SEPTIN9: variants seen among roughly 807,000 people sequenced by gnomAD.
SEPTIN9 encodes septin-9.
SEPTIN9 carries 13 observed loss-of-function variants against 56.6 expected under a neutral mutation model. The observed-to-expected ratio is 0.23, with a 90% CI of 0.15 to 0.37. The LOEUF is 0.37. SEPTIN9 is among the 10% of genes least tolerant of loss of function. SEPTIN9 has a pLI of 1.00. For missense variants in SEPTIN9, 650 were observed against 823.1 expected (o/e 0.79, Z 2.57); for synonymous variants, 332 against 334.1 (o/e 0.99, Z 0.07).
Position 77,475,358 on chromosome 17 carries a change from G to C in SEPTIN9, c.722-6786G>C, listed in dbSNP as rs543094844. The C allele has an allele frequency of 2.8e-6, 4 of 1,435,618 alleles. No individual in the cohort carries two copies. The highest frequency in any genetic ancestry group is 3.6e-6 in the Non-Finnish European group (4 of 1,100,844). 88.9% of individuals were successfully genotyped at this position (1,435,618 alleles called of 1,614,324 possible). On this transcript the variant is annotated intron_variant, in intron 3 of 11. Coordinates refer to ENST00000427177, the MANE Select transcript of SEPTIN9 (RefSeq NM_001113491.2). The surrounding 1 kb of genome is among the most constrained non-coding windows in gnomAD (Gnocchi z 4.6). ...CCCAGGATTCAGCAGGGATCTGAAG[G>C]ACTTTGCAGGCACCCAGGGAGATAG... is the stretch of plus-strand genomic sequence containing the variant.
intron 2 of SEPTIN9, chr17:77,373,231 G>A (rs920714572): frequency 3.2e-5 from 36 of 1,119,718 alleles, no homozygotes; most frequent in South Asian, 4.3e-5. Context: ...CAGCCAGTGC[G>A]AGACAGGGAG....
intron 2 of SEPTIN9, among the ~76,000 whole-genome samples, chr17:77,366,732 G>C (rs2034581758): frequency 6.6e-6 from 1 of 152,140 alleles, no homozygotes; most frequent in Non-Finnish European, 1.5e-5. Flanking sequence ...GTCCCTGGTG[G>C]TATCATCAGA....
chr17:77,349,572 ATGT>A (rs1333603393), intron 2 of SEPTIN9, among the ~76,000 whole-genome samples: 2 of 152,174 alleles, frequency 1.3e-5, no homozygotes, highest in African/African-American at 4.8e-5. Context: ...TGTAGACCAC[ATGT>A]TGTTTTTCCC....
intron 3 of SEPTIN9, among the ~76,000 whole-genome samples, chr17:77,409,451 G>A (rs1490973509): frequency 2.0e-5 from 3 of 152,176 alleles, no homozygotes; most frequent in Admixed American, 6.5e-5. Flanking sequence ...GGGCTGGTCC[G>A]GGAATGCAGC....
At chr17:77,395,687 AGTGT>A (rs1465877654) in intron 2 of SEPTIN9, among the ~76,000 whole-genome samples, 1 of 152,048 alleles carries the variant, frequency 6.6e-6, no homozygotes, top group African/African-American at 2.4e-5. Flanking sequence ...CCCGGGTGTG[AGTGT>A]GTGTGTGCGT....
At chr17:77,416,117 T>G (rs186408825) in intron 3 of SEPTIN9, among the ~76,000 whole-genome samples, 5 of 152,338 alleles carry the variant, frequency 3.3e-5, no homozygotes, top group Admixed American at 6.5e-5. Flanking sequence ...CAGCGTGGAA[T>G]TTGATTTGTT....
At chr17:77,447,189 T>C (rs2037773202) in intron 3 of SEPTIN9, 1 of 167,086 alleles carries the variant, frequency 6.0e-6, no homozygotes, top group Admixed American at 6.5e-5. Flanking sequence ...ATTGGAAGGA[T>C]ATCCATGCGG....
chr17:77,322,033 G>A (rs1222279074), intron 2 of SEPTIN9, among the ~76,000 whole-genome samples: 1 of 152,224 alleles, frequency 6.6e-6, no homozygotes, highest in Non-Finnish European at 1.5e-5. Context: ...CCTGCCTCCT[G>A]GGCCACCAGC....
intron 4 of SEPTIN9, chr17:77,483,973 A>ACAGAC (rs778503576): frequency 2.0e-5 from 3 of 152,356 alleles, no homozygotes; most frequent in Non-Finnish European, 2.9e-5. Context: ...TTGGAGGTCC[A>ACAGAC]CAGACCCCGG....
At chr17:77,431,937 A>G (rs1019205954) in intron 3 of SEPTIN9, among the ~76,000 whole-genome samples, 2 of 152,164 alleles carry the variant, frequency 1.3e-5, no homozygotes, top group Non-Finnish European at 2.9e-5. Flanking sequence ...GATGAGGCCA[A>G]ATAGCCATGG....
At chr17:77,361,809 T>C (rs1399321305) in intron 2 of SEPTIN9, among the ~76,000 whole-genome samples, 1 of 152,064 alleles carries the variant, frequency 6.6e-6, no homozygotes, top group African/African-American at 2.4e-5. Context: ...ATTTTTTGTA[T>C]TTTTAGTAGA....
At chr17:77,363,465 A>G (rs1372124650) in intron 2 of SEPTIN9, among the ~76,000 whole-genome samples, 1 of 131,914 alleles carries the variant, frequency 7.6e-6, no homozygotes, top group Non-Finnish European at 1.5e-5. Flanking sequence ...TTGGCTCACT[A>G]CCACCTCTGC....
intron 2 of SEPTIN9, chr17:77,376,499 G>A: frequency 1.4e-6 from 1 of 719,928 alleles, no homozygotes; most frequent in Non-Finnish European, 1.7e-6. Context: ...CTGTCACCAT[G>A]TGGGTTGCTG....
intron 2 of SEPTIN9, among the ~76,000 whole-genome samples, chr17:77,353,699 T>G (rs1418628795): frequency 6.6e-6 from 1 of 152,174 alleles, no homozygotes; most frequent in African/African-American, 2.4e-5. Context: ...GAGAGCAGGC[T>G]CCATTCTTTT....
intron 3 of SEPTIN9, among the ~76,000 whole-genome samples, chr17:77,442,897 G>A (rs984692561): frequency 6.6e-6 from 1 of 151,510 alleles, no homozygotes; most frequent in Admixed American, 6.6e-5. Flanking sequence ...AAAAAAAAAA[G>A]CACATATTAT....
In SEPTIN9 at chr17:77,498,718, C is replaced by G; in HGVS notation, c.*60C>G. The G allele has an allele frequency of 1.2e-6, 1 of 841,856 alleles. No homozygotes were observed. The highest frequency in any genetic ancestry group is 1.8e-6 in the Non-Finnish European group (1 of 546,426). 52.1% of individuals were successfully genotyped at this position (841,856 alleles called of 1,614,324 possible). On this transcript the variant is annotated 3_prime_UTR_variant, in exon 12 of 12. Coordinates refer to ENST00000427177, the MANE Select transcript of SEPTIN9 (RefSeq NM_001113491.2). ...AAGTCATTTCCGTCCCCCCCCAGGC[C>G]CTCCCACCACCCCATTTTATTTTAT...
At chr17:77,428,638 T>G (rs1248428152) in intron 3 of SEPTIN9, among the ~76,000 whole-genome samples, 2 of 152,178 alleles carry the variant, frequency 1.3e-5, no homozygotes, top group Non-Finnish European at 2.9e-5. Context: ...CCAGAGAGGT[T>G]AGGGCACTAA....
At chr17:77,296,196 C>A (rs182363399) in intron 1 of SEPTIN9, among the ~76,000 whole-genome samples, 1 of 152,160 alleles carries the variant, frequency 6.6e-6, no homozygotes, top group Non-Finnish European at 1.5e-5. Context: ...CACCTTGATC[C>A]GGGACTTTGG....
chr17:77,394,781 G>A (rs984420947), intron 2 of SEPTIN9, among the ~76,000 whole-genome samples: 3 of 152,202 alleles, frequency 2.0e-5, no homozygotes, highest in African/African-American at 7.2e-5. Flanking sequence ...CAGAGCAGGG[G>A]CCTTAACAAT....
Sources: gnomAD v4.1 joint callset for allele counts (sites outside exome capture counted in the v4.1 genomes callset) on GRCh38, gnomAD v4.1.1 for gene constraint, Gnocchi (gnomAD v3.1) non-coding constraint, MANE v1.5 for transcripts, NCBI Gene and HGNC (gene_info 2026-07-23, HGNC 2026-07-21) for gene names.